Variants in AGBL4 observed in about 807,000 individuals in gnomAD.
AGBL4 encodes the protein cytosolic carboxypeptidase 6.
A neutral mutation model predicts 66.4 loss-of-function variants in AGBL4; 58 were observed. The ratio of observed to expected loss-of-function variants is 0.87; its 90% CI spans 0.71 to 1.09. AGBL4 has a LOEUF of 1.09. Ranked by LOEUF, AGBL4 falls within the 50% of genes least tolerant of loss-of-function variation. The pLI is 0.00. For synonymous variants in AGBL4, 234 were observed against 222.9 expected, an observed-to-expected ratio of 1.05 and a Z score of -0.44; for missense variants, 579 against 631.0, an observed-to-expected ratio of 0.92 and a Z score of 0.88.
chr1:48,898,599 G>C (rs570859974), intron 5 of AGBL4, among the ~76,000 whole-genome samples: 1 of 152,276 alleles, frequency 6.6e-6, no homozygotes, highest in Admixed American at 6.5e-5. Flanking sequence ...CTTTGTTAAA[G>C]ATGAGTTGGT....
At chr1:49,610,572 G>A (rs1257736877) in intron 3 of AGBL4, among the ~76,000 whole-genome samples, 1 of 152,172 alleles carries the variant, frequency 6.6e-6, no homozygotes, top group Admixed American at 6.5e-5. Flanking sequence ...ACACTGGAAG[G>A]TGATTAGATC....
At chr1:48,633,168 T>C (rs956162368) in intron 9 of AGBL4, among the ~76,000 whole-genome samples, 2 of 152,200 alleles carry the variant, frequency 1.3e-5, no homozygotes, top group African/African-American at 2.4e-5. Flanking sequence ...AAAATTTACA[T>C]AGGAGGACCA....
chr1:48,627,440 G>T (rs1205652518), intron 9 of AGBL4, among the ~76,000 whole-genome samples: 1 of 152,060 alleles, frequency 6.6e-6, no homozygotes, highest in Non-Finnish European at 1.5e-5. Flanking sequence ...TATTTTGTGG[G>T]TTGGTGTGAA....
At chr1:48,662,406 C>T (rs1646121202) in intron 7 of AGBL4, among the ~76,000 whole-genome samples, 1 of 152,214 alleles carries the variant, frequency 6.6e-6, no homozygotes, top group African/African-American at 2.4e-5. Flanking sequence ...GCTTCCACTG[C>T]AGTGTGCCAC....
intron 2 of AGBL4, among the ~76,000 whole-genome samples, chr1:49,702,297 C>T (rs745621665): frequency 6.6e-6 from 1 of 152,074 alleles, no homozygotes; most frequent in Non-Finnish European, 1.5e-5. Flanking sequence ...TGGAGACCAT[C>T]CTGGCCAACA....
intron 6 of AGBL4, among the ~76,000 whole-genome samples, chr1:48,836,017 G>A (rs1646662151): frequency 6.6e-6 from 1 of 152,112 alleles, no homozygotes; most frequent in Non-Finnish European, 1.5e-5. Flanking sequence ...ATGACCACAT[G>A]TACTGTTTGA....
intron 1 of AGBL4, among the ~76,000 whole-genome samples, chr1:49,913,499 G>A (rs1651064899): frequency 1.3e-5 from 2 of 152,220 alleles, no homozygotes; most frequent in Non-Finnish European, 2.9e-5. Flanking sequence ...GCGTTGCTGG[G>A]CTCAGCCCAC....
intron 7 of AGBL4, among the ~76,000 whole-genome samples, chr1:48,654,681 C>G (rs1645990087): frequency 2.0e-5 from 3 of 152,166 alleles, no homozygotes; most frequent in African/African-American, 7.2e-5. Context: ...AGAACAAGTG[C>G]CCAGTGCAGG....
intron 7 of AGBL4, among the ~76,000 whole-genome samples, chr1:48,662,471 T>C (rs1259018348): frequency 1.3e-5 from 2 of 152,220 alleles, no homozygotes; most frequent in Non-Finnish European, 2.9e-5. Flanking sequence ...GACCTCATGG[T>C]CACTTTGAGA....
At chr1:48,725,936 A>G (rs980869549) in intron 6 of AGBL4, among the ~76,000 whole-genome samples, 12 of 152,322 alleles carry the variant, frequency 7.9e-5, no homozygotes, top group African/African-American at 2.9e-4. Context: ...GATAATAACG[A>G]ACATCTGCAA....
chr1:48,848,854 T>C (rs937846134), intron 6 of AGBL4, among the ~76,000 whole-genome samples: 5 of 152,226 alleles, frequency 3.3e-5, no homozygotes, highest in African/African-American at 1.2e-4. Flanking sequence ...CAGATCCAAT[T>C]AGAGTGGCCA....
At chr1:49,765,311 A>G (rs1457636038) in intron 2 of AGBL4, among the ~76,000 whole-genome samples, 2 of 152,132 alleles carry the variant, frequency 1.3e-5, no homozygotes, top group Non-Finnish European at 2.9e-5. Flanking sequence ...ACATGGCTCA[A>G]TACAAAACCT....
At chr1:49,868,665 G>A (rs1209814495) in intron 1 of AGBL4, among the ~76,000 whole-genome samples, 1 of 152,072 alleles carries the variant, frequency 6.6e-6, no homozygotes, top group Non-Finnish European at 1.5e-5. Context: ...AGAAAACCTA[G>A]GCAATACCAT....
At chr1:49,413,598 GTA>G (rs1645363769) in intron 3 of AGBL4, among the ~76,000 whole-genome samples, 1 of 152,154 alleles carries the variant, frequency 6.6e-6, no homozygotes, top group South Asian at 2.1e-4. Context: ...GAGCCTGTCT[GTA>G]TGTCTTCCAT....
chr1:49,283,740 G>T (rs375089161), intron 3 of AGBL4, among the ~76,000 whole-genome samples: 10 of 149,164 alleles, frequency 6.7e-5, no homozygotes, highest in Admixed American at 4.0e-4. Flanking sequence ...CTCAGGAGCC[G>T]ATGCGATCAA....
chr1:48,996,982 G>A (rs1661062756), intron 5 of AGBL4, among the ~76,000 whole-genome samples: 1 of 152,168 alleles, frequency 6.6e-6, no homozygotes, highest in African/African-American at 2.4e-5. Flanking sequence ...GAGTGCAATG[G>A]TGCAATCTCA....
At chr1:49,641,759 T>C (rs755410365) in intron 3 of AGBL4, among the ~76,000 whole-genome samples, 3 of 152,092 alleles carry the variant, frequency 2.0e-5, no homozygotes, top group Non-Finnish European at 2.9e-5. Context: ...CTGTTGCTGA[T>C]GATGCTATTA....
chr1:49,328,462 G>A (rs533914703), intron 3 of AGBL4, among the ~76,000 whole-genome samples: 2 of 152,150 alleles, frequency 1.3e-5, no homozygotes, highest in Non-Finnish European at 2.9e-5. Flanking sequence ...GAACTGCACT[G>A]AGCTAACATG....
At chr1:49,120,099 A>G (rs756834898) in intron 4 of AGBL4, among the ~76,000 whole-genome samples, 3 of 152,090 alleles carry the variant, frequency 2.0e-5, no homozygotes, top group Non-Finnish European at 2.9e-5. Context: ...GGTCTCCTGA[A>G]TACAGCACAC....
Sources: allele counts gnomAD v4.1 joint callset (sites outside exome capture counted in the v4.1 genomes callset), GRCh38; gene constraint gnomAD v4.1.1; transcripts MANE v1.5; gene names NCBI Gene and HGNC (gene_info 2026-07-23, HGNC 2026-07-21).